Variants in ISYNA1 observed in about 807,000 individuals in gnomAD.
ISYNA1 encodes the protein inositol-3-phosphate synthase 1.
ISYNA1 carries 34 observed loss-of-function variants against 50.3 expected under a neutral mutation model. The ratio of observed to expected loss-of-function variants is 0.68; its 90% CI spans 0.51 to 0.90. ISYNA1 has a LOEUF of 0.90. Ranked by LOEUF, ISYNA1 falls within the 40% of genes least tolerant of loss-of-function variation. ISYNA1 has a pLI of 0.00. For missense variants in ISYNA1, 718 were observed against 784.8 expected, an observed-to-expected ratio of 0.91 and a Z score of 1.02; for synonymous variants, 396 against 349.9, an observed-to-expected ratio of 1.13 and a Z score of -1.47.
intron 2 of ISYNA1, 48 bp from the exon 3 acceptor site, chr19:18,437,808 C>G (rs550587707): frequency 6.2e-7 from 1 of 1,605,940 alleles, no homozygotes; most frequent in African/African-American, 1.3e-5. Flanking sequence ...CCCTTCTCCC[C>G]GAGCCGCCCC....
chr19:18,435,425 T>G lies in ISYNA1; in HGVS notation c.1313A>C (p.Gln438Pro). The G allele has an allele frequency of 6.2e-7, 1 of 1,610,670 alleles. No individual in the cohort carries two copies. The highest frequency in any genetic ancestry group is 8.5e-7 in the Non-Finnish European group (1 of 1,179,906). Residue 438 changes from glutamine to proline, a missense_variant, in exon 10 of 11, where the codon CAG becomes CCG. Transcript: ENST00000338128. ...CATGTCAGTGCAGAAGCTCACGCGC[T>G]GGCACAGCTCGGTCAGCAGCGCTAG... ...LDLALLTELCQRVSFCTDMDP... is the reference protein window; with the variant it reads ...LDLALLTELCPRVSFCTDMDP...
intron 10 of ISYNA1, 74 bp from the exon 11 acceptor site, chr19:18,435,191 C>T (rs1050174742): frequency 2.5e-5 from 40 of 1,593,258 alleles, no homozygotes; most frequent in Non-Finnish European, 3.3e-5. Context: ...CCACCTACAG[C>T]CCCCCAAGCC....
Position 18,435,562 on chromosome 19 carries a change from C to T in ISYNA1, c.1254+1G>A, listed in dbSNP as rs748557120. 6.2e-7 allele frequency: 1 copy of T among 1,605,862 alleles called. No individual in the cohort carries two copies. Among genetic ancestry groups the T allele is most frequent in the African/African-American group, 1.3e-5 (1 of 74,744 alleles). ...TAGCAGCCCCTGAAGCCGCGCCGCACCTCACACGTGTTGTGCAGCACCAGT... is the reference window on the plus strand; with the variant it reads ...TAGCAGCCCCTGAAGCCGCGCCGCATCTCACACGTGTTGTGCAGCACCAGT... On this transcript the variant is annotated splice_donor_variant, in intron 9 of 10. Transcript: ENST00000338128. LOFTEE classifies it high-confidence loss of function.
chr19:18,436,098 G>A lies in ISYNA1; in HGVS notation c.909C>T (p.Asp303=), dbSNP rs1205066619. 1 of 1,613,120 alleles carries A rather than the reference G, an allele frequency of 6.2e-7. No individual in the cohort carries two copies. The highest frequency in any genetic ancestry group is 8.5e-7 in the Non-Finnish European group (1 of 1,179,932). ...TGACTTTGGTCTGGCCTGACTTGAA[G>A]TCATCTCCGCCCACAAAAACCCGGT... ...WQHRVFVGGD[D]FKSGQTKVKS... The change falls in exon 7 of 11, where the codon GAC becomes GAT. Residue 303 remains aspartate (D), a synonymous_variant. Transcript: ENST00000338128.
At position 18,437,741 on chromosome 19, in the gene ISYNA1, C is replaced by T; in HGVS notation, c.140G>A (p.Arg47His). The change falls in exon 3 of 11, where the codon CGC becomes CAC. Residue 47 changes from arginine (R) to histidine (H), a missense_variant. Transcript: ENST00000338128. ...CTGCCGGGCGGTCCGGAAGGTGAAG[C>T]GCGTGGACGTGGGGTGCACCTGAAG... ...GVLKVHPTST[R>H]FTFRTARQVP... is the part of the protein sequence containing the mutation. 2 of 1,572,642 alleles carry T rather than the reference C, an allele frequency of 1.3e-6. No homozygotes were observed. Among genetic ancestry groups the T allele is most frequent in the Non-Finnish European group, 1.7e-6 (2 of 1,162,274 alleles).
chr19:18,434,888 G>A lies in ISYNA1; in HGVS notation c.*25C>T. 1 of 1,599,908 alleles carries A rather than the reference G, an allele frequency of 6.3e-7. No individual in the cohort carries two copies. Among genetic ancestry groups the A allele is most frequent in the Non-Finnish European group, 8.6e-7 (1 of 1,169,524 alleles). ...TCGTGGGGGGCAGCGGGGAGGAAGA[G>A]CCGAGAAACTGTGTGACCGGGGCCT... On this transcript the variant is annotated 3_prime_UTR_variant, in exon 11 of 11. Coordinates refer to ENST00000338128, the MANE Select transcript of ISYNA1 (RefSeq NM_016368.5).
rs781083299 is a variant in ISYNA1 at position 18,435,429 on chromosome 19, A to T, written c.1309T>A (p.Cys437Ser). Residue 437 changes from cysteine (C) to serine (S), a missense_variant, in exon 10 of 11, where the codon TGC becomes AGC. Cys to Ser is a moderately radical substitution (Grantham distance 112, BLOSUM62 -1). Around this residue, in one of 3 missense-constraint regions of ISYNA1, gnomAD observed 305 missense variants for 292.6 expected, o/e 1.04. Transcript: ENST00000338128. ...TCAGTGCAGAAGCTCACGCGCTGGC[A>T]CAGCTCGGTCAGCAGCGCTAGGTCC... ...MLDLALLTEL[C>S]QRVSFCTDMD... is the part of the protein sequence containing the mutation. 2.5e-6 allele frequency: 4 copies of T among 1,610,430 alleles called. No homozygotes were observed.
At chr19:18,435,702 G>C in intron 8 of ISYNA1, 26 bp from the exon 9 acceptor site, 1 of 1,611,310 alleles carries the variant, frequency 6.2e-7, no homozygotes, top group Non-Finnish European at 8.5e-7. Context: ...AGTTTGCCCG[G>C]GTCCCTGCCA....
At chr19:18,437,341 C>T in intron 3 of ISYNA1, 1 of 1,396,130 alleles carries the variant, frequency 7.2e-7, no homozygotes, top group Non-Finnish European at 9.3e-7. Context: ...GAAACCCTTC[C>T]ACGGGGTCCG....
intron 4 of ISYNA1, 34 bp downstream of exon 4, chr19:18,436,939 A>AACCCCCCC: frequency 7.7e-7 from 1 of 1,295,974 alleles, no homozygotes; most frequent in Non-Finnish European, 1.1e-6. Context: ...CCCATCTCCC[A>AACCCCCCC]TCCCGCCCCA....
intron 3 of ISYNA1, 43 bp from the exon 4 acceptor site, chr19:18,437,148 G>T (rs777547297): frequency 1.3e-6 from 2 of 1,530,616 alleles, no homozygotes; most frequent in Non-Finnish European, 8.8e-7. Flanking sequence ...TGGGAGTGGT[G>T]AAAGGGCCGC....
At chr19:18,437,573 AC>A (rs1974113368) in intron 3 of ISYNA1, 25 bp downstream of exon 3, 8 of 1,217,966 alleles carry the variant, frequency 6.6e-6, no homozygotes, top group Non-Finnish European at 7.1e-6. Flanking sequence ...AAGCCTCCCT[AC>A]CCACCACGCC....
intron 4 of ISYNA1, 43 bp downstream of exon 4, chr19:18,436,930 C>G (rs1187736888): frequency 6.2e-7 from 1 of 1,602,172 alleles, no homozygotes; most frequent in Non-Finnish European, 8.5e-7. Context: ...CCTCCAGACC[C>G]CATCTCCCAT....
chr19:18,434,718 T>G lies in ISYNA1; in HGVS notation c.*195A>C. On this transcript the variant is annotated 3_prime_UTR_variant, in exon 11 of 11. Coordinates refer to ENST00000338128, the MANE Select transcript of ISYNA1 (RefSeq NM_016368.5). ...TCCCTGGGAGTTGGGGTGATGACCA[T>G]GGGCAGAGGGGATGGGACTGAAGCT... The G allele has an allele frequency of 1.7e-6, 1 of 598,030 alleles. No individual in the cohort carries two copies. Among genetic ancestry groups the G allele is most frequent in the Non-Finnish European group, 3.0e-6 (1 of 337,458 alleles). 37.0% of individuals were successfully genotyped at this position (598,030 alleles called of 1,614,324 possible). A position where few individuals can be genotyped will look rare whatever the true frequency, so the allele number is the denominator to read the frequency against.
Position 18,437,893 on chromosome 19 carries a change from C to T in ISYNA1, c.87G>A (p.Thr29=). Residue 29 remains threonine, a synonymous_variant, in exon 2 of 11, where the codon ACG becomes ACA. Transcript: ENST00000338128. Reference sequence around the variant, plus strand: ...CGCCACCCTCGCGGCTGACGCGCGTCGTCCGGTACTCGTATTGCGCCTCGA... The same window carrying T: ...CGCCACCCTCGCGGCTGACGCGCGTTGTCCGGTACTCGTATTGCGCCTCGA... ...EAIEAQYEYR[T]TRVSREGGVL... is the part of the protein sequence containing the mutation. 1 of 1,612,100 alleles carries T rather than the reference C, an allele frequency of 6.2e-7. No individual in the cohort carries two copies. Among genetic ancestry groups the T allele is most frequent in the African/African-American group, 1.3e-5 (1 of 75,036 alleles).
In ISYNA1 at chr19:18,437,647, C is replaced by T. The variant is rs1478328179; in HGVS notation, c.234G>A (p.Val78=). Residue 78 remains valine (V), a synonymous_variant, in exon 3 of 11, where the codon GTG becomes GTA. Coordinates refer to ENST00000338128, the MANE Select transcript of ISYNA1 (RefSeq NM_016368.5). The stretch of plus-strand genomic sequence containing the variant: ...AGGACAAACGCAGTCGATTGGCCAG[C>T]ACCGCGGCGGTGAGTGTGGAGCCGT... ...GNNGSTLTAA[V]LANRLRLSWP... 2 of 1,541,134 alleles carry T rather than the reference C, an allele frequency of 1.3e-6. No individual in the cohort carries two copies. Among genetic ancestry groups the T allele is most frequent in the South Asian group, 1.2e-5 (1 of 84,128 alleles).
intron 4 of ISYNA1, 34 bp from the exon 5 acceptor site, chr19:18,436,911 T>C: frequency 6.3e-7 from 1 of 1,597,818 alleles, no homozygotes. Flanking sequence ...CCTGCCCGGA[T>C]CCTGGGCCCC....
At position 18,437,723 on chromosome 19, in the gene ISYNA1, G is replaced by C. The variant is rs1974120917; in HGVS notation, c.158C>G (p.Ala53Gly). ...PTSTRFTFRT[A>G]RQVPRLGVML... is the part of the protein sequence containing the mutation. ...GACCCCGAGCCGGGGCACCTGCCGGGCGGTCCGGAAGGTGAAGCGCGTGGA... is the reference window on the plus strand; with the variant it reads ...GACCCCGAGCCGGGGCACCTGCCGGCCGGTCCGGAAGGTGAAGCGCGTGGA... The change falls in exon 3 of 11, where the codon GCC becomes GGC. Residue 53 changes from alanine (A) to glycine (G), a missense_variant. Ala to Gly is a moderately conservative substitution (Grantham distance 60, BLOSUM62 0). Around this residue, in one of 3 missense-constraint regions of ISYNA1, gnomAD observed 403 missense variants for 466.6 expected, o/e 0.86. Transcript: ENST00000338128. 2 of 1,565,190 alleles carry C rather than the reference G, an allele frequency of 1.3e-6. No individual in the cohort carries two copies. The highest frequency in any genetic ancestry group is 2.3e-5 in the East Asian group (1 of 42,682).
chr19:18,437,432 C>G (rs1247194366), intron 3 of ISYNA1, 167 bp downstream of exon 3: 1 of 1,122,212 alleles, frequency 8.9e-7, no homozygotes, highest in East Asian at 3.3e-5. Context: ...CCACTACAGG[C>G]CTCCAGACCC....
Sources: allele counts gnomAD v4.1 joint callset, GRCh38; gene constraint gnomAD v4.1.1; regional missense constraint gnomAD v4.1.1; transcripts MANE v1.5; gene names NCBI Gene and HGNC (gene_info 2026-07-23, HGNC 2026-07-21).